The following ASB3 variants were observed in gnomAD, a reference collection of about 807,000 sequenced individuals.
The protein encoded by ASB3 is ankyrin repeat and SOCS box protein 3.
Under a neutral mutation model 54.5 loss-of-function variants are expected in ASB3, and 41 were observed. That is an observed-to-expected ratio of 0.75 (90% CI 0.59 to 0.98). ASB3 has a LOEUF of 0.98. Ranked by LOEUF, ASB3 falls within the 50% of genes least tolerant of loss-of-function variation. ASB3 has a pLI of 0.00. For synonymous variants in ASB3, 266 were observed against 221.2 expected (o/e 1.20, Z -1.80); for missense variants, 733 against 620.0 (o/e 1.18, Z -1.94).
chr2:53,716,842 G>T, intron 5 of ASB3, 99 bp from the exon 6 acceptor site: 2 of 1,322,418 alleles, frequency 1.5e-6, no homozygotes, highest in Non-Finnish European at 1.0e-6. Context: ...TCGTAGCACG[G>T]TAAGCTTTTC....
At chr2:53,767,700 A>C (rs974517623) in intron 1 of ASB3, 12 of 666,306 alleles carry the variant, frequency 1.8e-5, no homozygotes, top group Non-Finnish European at 2.8e-5. Flanking sequence ...AAGGAAATAA[A>C]ATAAAGCTGA....
chr2:53,711,760 C>T (rs746662607), intron 7 of ASB3, among the ~76,000 whole-genome samples: 2 of 151,428 alleles, frequency 1.3e-5, no homozygotes, highest in South Asian at 4.2e-4. Context: ...GGCAACACAG[C>T]GAGACAGTCT....
At chr2:53,722,501 G>A (rs1436078197) in intron 5 of ASB3, among the ~76,000 whole-genome samples, 2 of 152,180 alleles carry the variant, frequency 1.3e-5, no homozygotes, top group African/African-American at 4.8e-5. Context: ...CTTCATTGTT[G>A]AGAAACAAGG....
intron 9 of ASB3, among the ~76,000 whole-genome samples, chr2:53,692,964 G>A (rs1478320463): frequency 6.6e-6 from 1 of 152,082 alleles, no homozygotes; most frequent in Non-Finnish European, 1.5e-5. Context: ...ATACACCTCA[G>A]TTCAAAAGCC....
chr2:53,719,836 A>G (rs1283849003), intron 5 of ASB3, among the ~76,000 whole-genome samples: 1 of 151,706 alleles, frequency 6.6e-6, no homozygotes, highest in East Asian at 1.9e-4. Context: ...ACAAGGGGGG[A>G]GGATCGCTTG....
chr2:53,693,147 A>C (rs1238332015), intron 9 of ASB3, among the ~76,000 whole-genome samples: 3 of 152,192 alleles, frequency 2.0e-5, no homozygotes, highest in Non-Finnish European at 2.9e-5. Flanking sequence ...CAATTTTCCT[A>C]ACTTAAGACA....
intron 2 of ASB3, 32 bp downstream of exon 2, chr2:53,765,345 G>A (rs747843771): frequency 1.6e-5 from 26 of 1,613,162 alleles, no homozygotes; most frequent in Non-Finnish European, 2.1e-5. Context: ...CCAGCTTGTA[G>A]GCAAAGCCTC....
intron 3 of ASB3, among the ~76,000 whole-genome samples, chr2:53,732,890 C>A (rs1255768587): frequency 6.6e-6 from 1 of 152,196 alleles, no homozygotes; most frequent in Non-Finnish European, 1.5e-5. Context: ...TTCACTTTAT[C>A]TATTAAAATG....
intron 3 of ASB3, among the ~76,000 whole-genome samples, chr2:53,737,844 T>C (rs1478472836): frequency 6.6e-6 from 1 of 152,254 alleles, no homozygotes; most frequent in Non-Finnish European, 1.5e-5. Flanking sequence ...CCCTGAATTT[T>C]TTAAAACACA....
chr2:53,682,624 C>T (rs1668435034), intron 9 of ASB3, among the ~76,000 whole-genome samples: 1 of 151,928 alleles, frequency 6.6e-6, no homozygotes, highest in South Asian at 2.1e-4. Context: ...TTACAGGTGC[C>T]TACCACCACG....
At chr2:53,777,318 C>G (rs1445011937) in intron 1 of ASB3, among the ~76,000 whole-genome samples, 1 of 152,224 alleles carries the variant, frequency 6.6e-6, no homozygotes, top group East Asian at 1.9e-4. Context: ...TGACCACTTC[C>G]TCACTGAACC....
At chr2:53,753,740 G>T (rs200784873) in intron 2 of ASB3, among the ~76,000 whole-genome samples, 1 of 151,562 alleles carries the variant, frequency 6.6e-6, no homozygotes, top group East Asian at 1.9e-4. Flanking sequence ...AGGTTCAAGC[G>T]ATTCTCCTGC....
chr2:53,750,602 G>A (rs529218513), intron 3 of ASB3, among the ~76,000 whole-genome samples, 181 bp downstream of exon 3: 1 of 152,112 alleles, frequency 6.6e-6, no homozygotes, highest in South Asian at 2.1e-4. Context: ...CCCAAGAATA[G>A]AAAACAAGAG....
At chr2:53,775,398 G>A (rs1034157328) in intron 1 of ASB3, among the ~76,000 whole-genome samples, 1 of 151,724 alleles carries the variant, frequency 6.6e-6, no homozygotes, top group African/African-American at 2.4e-5. Flanking sequence ...TTTCTTTGCA[G>A]CCTGCGTCTG....
rs868491104 is a variant in ASB3, at chr2:53,731,579, G to A, written c.356-2009C>T. Reference sequence around the variant, plus strand: ...TTCTTCAAGCTATTTTTGTATAAACGATCTAAAGTCAATCTAATTTGGGGT... The same window carrying A: ...TTCTTCAAGCTATTTTTGTATAAACAATCTAAAGTCAATCTAATTTGGGGT... On this transcript the variant is annotated intron_variant, in intron 3 of 9. Transcript: ENST00000263634. 5.9e-5 allele frequency among the ~76,000 whole-genome samples: 9 copies of A among 152,176 alleles called. No individual in the cohort carries two copies. The Middle Eastern group carries it at 0.017, about 290-fold the overall frequency.
At chr2:53,716,479 GC>G in intron 6 of ASB3, 86 bp downstream of exon 6, 1 of 1,487,156 alleles carries the variant, frequency 6.7e-7, no homozygotes, top group Non-Finnish European at 9.1e-7. Context: ...CAAAGACTTT[GC>G]CTAGAGGTGA....
rs545130053 is a variant in ASB3 at position 53,750,223 on chromosome 2, T to C, written c.355+560A>G. Among the ~76,000 whole-genome samples, 12 of 151,936 alleles carry C rather than the reference T, an allele frequency of 7.9e-5. No individual in the cohort carries two copies. The East Asian group carries it at 2.1e-3, about 27-fold the overall frequency. On this transcript the variant is annotated intron_variant, in intron 3 of 9. Transcript: ENST00000263634. Reference sequence around the variant, plus strand: ...GTCCCTGAAGACAAATAGAATCGAATAGAAAAAAGGAGGAAAAGAAGAAAA... The same window carrying C: ...GTCCCTGAAGACAAATAGAATCGAACAGAAAAAAGGAGGAAAAGAAGAAAA...
chr2:53,675,454 C>T (rs945999533), intron 9 of ASB3, among the ~76,000 whole-genome samples: 1 of 152,008 alleles, frequency 6.6e-6, no homozygotes, highest in African/African-American at 2.4e-5. Context: ...ATTGACTAGG[C>T]TTTATTAATG....
chr2:53,739,595 T>C (rs1671822772), intron 3 of ASB3, among the ~76,000 whole-genome samples: 1 of 152,232 alleles, frequency 6.6e-6, no homozygotes, highest in African/African-American at 2.4e-5. Context: ...ATTACAATTA[T>C]AAACACAATT....
Sources: allele counts gnomAD v4.1 joint callset (sites outside exome capture counted in the v4.1 genomes callset), GRCh38; gene constraint gnomAD v4.1.1; transcripts MANE v1.5; gene names NCBI Gene and HGNC (gene_info 2026-07-23, HGNC 2026-07-21).